The following CHRM3 variants were observed in gnomAD, a reference collection of about 807,000 sequenced individuals.
The protein encoded by CHRM3 is muscarinic acetylcholine receptor M3.
CHRM3 carries 11 observed loss-of-function variants against 41.8 expected under a neutral mutation model. The observed-to-expected ratio is 0.26, with a 90% CI of 0.17 to 0.44. The LOEUF (loss-of-function observed/expected upper bound fraction) is 0.44, where lower values mean the gene tolerates loss of function less well. Among genes scored for constraint, CHRM3 ranks in the 20% least tolerant of loss-of-function variants. The pLI is 1.00. For missense variants in CHRM3, 571 were observed against 745.4 expected (o/e 0.77, Z 2.72); for synonymous variants, 297 against 301.4 (o/e 0.99, Z 0.15).
chr1:239,447,899 G>GT (rs1226916727), intron 1 of CHRM3, among the ~76,000 whole-genome samples: 1 of 152,118 alleles, frequency 6.6e-6, no homozygotes, highest in African/African-American at 2.4e-5. Context: ...ATATCTTCTT[G>GT]TTTTTTGTCT....
intron 2 of CHRM3, among the ~76,000 whole-genome samples, chr1:239,522,205 C>T (rs574854225): frequency 2.5e-4 from 38 of 152,296 alleles, no homozygotes; most frequent in African/African-American, 8.7e-4. Flanking sequence ...TTTGTGCCAT[C>T]CTTCTTGCTT....
At chr1:239,752,602 A>G (rs1665920821) in intron 5 of CHRM3, among the ~76,000 whole-genome samples, 1 of 152,194 alleles carries the variant, frequency 6.6e-6, no homozygotes. Context: ...AAATTATAGG[A>G]TACAAAAATA....
intron 4 of CHRM3, among the ~76,000 whole-genome samples, chr1:239,645,928 TGA>T (rs34008005): frequency 0.26 from 39,847 of 151,936 alleles, 5,987 homozygotes; most frequent in East Asian, 0.65. Context: ...TCAAGAGAAA[TGA>T]GAGAGTTCTT....
intron 5 of CHRM3, among the ~76,000 whole-genome samples, chr1:239,819,138 T>G (rs1250520035): frequency 6.6e-6 from 1 of 152,146 alleles, no homozygotes; most frequent in Non-Finnish European, 1.5e-5. Flanking sequence ...CTGGAGTCCC[T>G]GGCCAAGCAG....
chr1:239,579,915 G>C (rs1290312856), intron 3 of CHRM3, among the ~76,000 whole-genome samples: 3 of 152,100 alleles, frequency 2.0e-5, no homozygotes, highest in Non-Finnish European at 2.9e-5. Context: ...TCGAGGCACA[G>C]CAAACTTAAG....
intron 5 of CHRM3, among the ~76,000 whole-genome samples, chr1:239,767,191 C>T (rs474448): frequency 0.74 from 111,799 of 152,024 alleles, 41,487 homozygotes; most frequent in African/African-American, 0.77. Flanking sequence ...ACCAGGCTGG[C>T]GTGATTTTTT....
At chr1:239,444,236 C>A (rs115750748) in intron 1 of CHRM3, among the ~76,000 whole-genome samples, 3 of 152,160 alleles carry the variant, frequency 2.0e-5, no homozygotes, top group African/African-American at 7.2e-5. Context: ...CCATCCTATT[C>A]TATTTTAACT....
rs144697025 is a variant in CHRM3 at position 239,474,151 on chromosome 1, G to A, written c.-520-18558G>A. Among the ~76,000 whole-genome samples, 7 of 152,048 alleles carry A rather than the reference G, an allele frequency of 4.6e-5. No individual in the cohort carries two copies. In the East Asian group the frequency reaches 1.4e-3, roughly 29 times the overall value. Reference sequence around the variant, plus strand: ...CAACCATATAAAGATATTCAATCTTGTTTAAAAAGAGTAACTAAAGCACTG... The same window carrying A: ...CAACCATATAAAGATATTCAATCTTATTTAAAAAGAGTAACTAAAGCACTG... On this transcript the variant is annotated intron_variant, in intron 1 of 6. Coordinates refer to ENST00000676153, the MANE Select transcript of CHRM3 (RefSeq NM_001375978.1).
At position 239,450,576 on chromosome 1, in the gene CHRM3, A is replaced by T. The variant is rs73116703; in HGVS notation, c.-520-42133A>T. Reference sequence around the variant, plus strand: ...TGGGGCTGCTTAAAATATTATAAGCAAAGCATGAAAACATTCTTATAAATT... The same window carrying T: ...TGGGGCTGCTTAAAATATTATAAGCTAAGCATGAAAACATTCTTATAAATT... On this transcript the variant is annotated intron_variant, in intron 1 of 6. Coordinates refer to ENST00000676153, the MANE Select transcript of CHRM3 (RefSeq NM_001375978.1). 3.2e-3 allele frequency among the ~76,000 whole-genome samples: 491 copies of T among 152,308 alleles called. 2 individuals are homozygous for T. The highest frequency in any genetic ancestry group is 0.011 in the African/African-American group (460 of 41,570).
chr1:239,552,728 A>C (rs1659992832), intron 3 of CHRM3, among the ~76,000 whole-genome samples: 1 of 150,732 alleles, frequency 6.6e-6, no homozygotes, highest in African/African-American at 2.4e-5. Flanking sequence ...TGGGCTCAAG[A>C]GATCCTCCCT....
At position 239,446,006 on chromosome 1, in the gene CHRM3, C is replaced by T. The variant is rs184499390; in HGVS notation, c.-520-46703C>T. ...AGGCTGCAGTGCAGTCACGCAATCT[C>T]GGCTCACTGCAGCCTCTGCCTCCCG... On this transcript the variant is annotated intron_variant, in intron 1 of 6. Coordinates refer to ENST00000676153, the MANE Select transcript of CHRM3 (RefSeq NM_001375978.1). Among the ~76,000 whole-genome samples the T allele has an allele frequency of 8.8e-3, 1,344 of 152,008 alleles. 18 individuals carry two copies. The highest frequency in any genetic ancestry group is 0.031 in the African/African-American group (1,280 of 41,442).
At chr1:239,770,124 CCA>C (rs1330137544) in intron 5 of CHRM3, among the ~76,000 whole-genome samples, 1 of 152,072 alleles carries the variant, frequency 6.6e-6, no homozygotes, top group Non-Finnish European at 1.5e-5. Context: ...GTGGAAAATT[CCA>C]CAGTGCTTGG....
At chr1:239,493,449 A>C (rs1478526589) in intron 2 of CHRM3, among the ~76,000 whole-genome samples, 1 of 152,220 alleles carries the variant, frequency 6.6e-6, no homozygotes, top group Non-Finnish European at 1.5e-5. Flanking sequence ...TTTACTAAAA[A>C]TATTTTTGCT....
Position 239,908,939 on chromosome 1 carries a change from C to G in CHRM3, c.1488C>G (p.Ile496Met), listed in dbSNP as rs1680192976. 6.2e-7 allele frequency: 1 copy of G among 1,614,030 alleles called. No individual in the cohort carries two copies. The highest frequency in any genetic ancestry group is 1.7e-5 in the Admixed American group (1 of 60,008). The change falls in exon 7 of 7, where the codon ATC becomes ATG. Residue 496 changes from isoleucine to methionine, a missense_variant. By Grantham distance (10) the Ile-to-Met change is conservative (BLOSUM62 1). Transcript: ENST00000676153. This position sits in a 1 kb window ranked among gnomAD's most constrained non-coding sequence, Gnocchi z 7.2. ...EKKAAQTLSA[I>M]LLAFIITWTP... ...AAGCGGCCCAGACCCTCAGTGCGAT[C>G]TTGCTTGCCTTCATCATCACTTGGA... is the stretch of plus-strand genomic sequence containing the variant.
chr1:239,410,158 T>C (rs1660954250), intron 1 of CHRM3, among the ~76,000 whole-genome samples: 1 of 152,192 alleles, frequency 6.6e-6, no homozygotes, highest in South Asian at 2.1e-4. Context: ...TTTTCAGTCA[T>C]GTAGTGCTCT....
intron 1 of CHRM3, among the ~76,000 whole-genome samples, chr1:239,400,110 T>C (rs1171075221): frequency 6.6e-6 from 1 of 152,108 alleles, no homozygotes; most frequent in East Asian, 1.9e-4. Context: ...GGTTTCGCCA[T>C]GTTGGCCAGG....
At chr1:239,640,385 C>G (rs1355366961) in intron 4 of CHRM3, among the ~76,000 whole-genome samples, 3 of 152,010 alleles carry the variant, frequency 2.0e-5, no homozygotes, top group African/African-American at 7.3e-5. Flanking sequence ...GCTGTGAATC[C>G]ATCTGGTCCT....
intron 1 of CHRM3, among the ~76,000 whole-genome samples, chr1:239,411,826 C>T (rs370749640): frequency 6.8e-6 from 1 of 147,058 alleles, no homozygotes; most frequent in Non-Finnish European, 1.5e-5. Context: ...ACGTAATTCT[C>T]AAGGCTTGTG....
intron 3 of CHRM3, among the ~76,000 whole-genome samples, chr1:239,567,206 G>A (rs1302369312): frequency 6.6e-6 from 1 of 151,678 alleles, no homozygotes; most frequent in South Asian, 2.1e-4. Context: ...TGGTGCGGTG[G>A]CATGCACCTG....
Sources: allele counts gnomAD v4.1 joint callset (sites outside exome capture counted in the v4.1 genomes callset), GRCh38; gene constraint gnomAD v4.1.1; non-coding constraint Gnocchi (gnomAD v3.1); transcripts MANE v1.5; gene names NCBI Gene and HGNC (gene_info 2026-07-23, HGNC 2026-07-21).